Variants in ZDHHC14 observed in about 807,000 individuals in gnomAD.
ZDHHC14 encodes palmitoyltransferase ZDHHC14.
In ZDHHC14, 16 loss-of-function variants were observed where a neutral mutation model predicts 47.7. The ratio of observed to expected loss-of-function variants is 0.34; its 90% CI spans 0.23 to 0.51. The LOEUF is 0.51. ZDHHC14 is among the 20% of genes least tolerant of loss of function. The probability of loss-of-function intolerance (pLI) is 0.97; values close to 1 mark genes in which losing one functional copy is unlikely to be tolerated. For synonymous variants in ZDHHC14, 293 were observed against 278.9 expected (o/e 1.05, Z -0.50); for missense variants, 515 against 662.5 (o/e 0.78, Z 2.44).
chr6:157,603,831 G>A (rs111718848), intron 3 of ZDHHC14, among the ~76,000 whole-genome samples: 272 of 152,310 alleles, frequency 1.8e-3, no homozygotes, highest in Non-Finnish European at 3.1e-3. Context: ...GAGACATGCA[G>A]TATCCCTTAC....
intron 2 of ZDHHC14, among the ~76,000 whole-genome samples, chr6:157,578,851 CAATT>C (rs1783405266): frequency 6.6e-6 from 1 of 152,168 alleles, no homozygotes; most frequent in Admixed American, 6.5e-5. Flanking sequence ...AACTGTGAGT[CAATT>C]AAACCTCTTT....
At chr6:157,636,473 C>T (rs1400556583) in intron 5 of ZDHHC14, among the ~76,000 whole-genome samples, 10 of 152,090 alleles carry the variant, frequency 6.6e-5, no homozygotes, top group Admixed American at 6.5e-4. Context: ...CTTGCTGGCC[C>T]ACGCTGCTCA....
At chr6:157,506,695 TGA>T (rs1213122888) in intron 1 of ZDHHC14, among the ~76,000 whole-genome samples, 5 of 152,240 alleles carry the variant, frequency 3.3e-5, no homozygotes. Flanking sequence ...TTAACTTTAG[TGA>T]GCCTTCATAT....
intron 1 of ZDHHC14, among the ~76,000 whole-genome samples, chr6:157,391,075 C>G (rs1777410724): frequency 6.6e-6 from 1 of 152,166 alleles, no homozygotes; most frequent in Admixed American, 6.6e-5. Context: ...CAGTTAGATT[C>G]ATTTTTATCA....
chr6:157,532,436 C>T lies in ZDHHC14; in HGVS notation c.246-10149C>T, dbSNP rs139336346. 1.7e-3 allele frequency among the ~76,000 whole-genome samples: 257 copies of T among 152,252 alleles called. 2 individuals carry two copies. The highest frequency in any genetic ancestry group is 5.9e-3 in the African/African-American group (247 of 41,544). On this transcript the variant is annotated intron_variant, in intron 1 of 8. Transcript: ENST00000359775. The stretch of plus-strand genomic sequence containing the variant: ...CATTTGATTCTTTCTCATTCCTGAA[C>T]GCCTCCTTTCCCATCTTGCCATCCC...
chr6:157,527,912 C>T (rs1038754747), intron 1 of ZDHHC14, among the ~76,000 whole-genome samples: 6 of 152,208 alleles, frequency 3.9e-5, no homozygotes, highest in Non-Finnish European at 8.8e-5. Flanking sequence ...CCTTCTCTCT[C>T]TCCATTGTAT....
chr6:157,426,104 G>A (rs1045629758), intron 1 of ZDHHC14, among the ~76,000 whole-genome samples: 2 of 152,162 alleles, frequency 1.3e-5, no homozygotes, highest in Non-Finnish European at 2.9e-5. Flanking sequence ...CCAGACCAGG[G>A]GTGGAAGGTC....
chr6:157,605,545 G>A (rs1784504998), intron 3 of ZDHHC14, among the ~76,000 whole-genome samples: 1 of 152,228 alleles, frequency 6.6e-6, no homozygotes, highest in Non-Finnish European at 1.5e-5. Context: ...CAGGTTCAGA[G>A]AGGGCAGAGA....
chr6:157,503,480 C>A (rs776547493), intron 1 of ZDHHC14, among the ~76,000 whole-genome samples: 136 of 152,322 alleles, frequency 8.9e-4, no homozygotes, highest in Admixed American at 4.2e-3. Context: ...GAGCTCCAAT[C>A]TCCAAGCCAC....
chr6:157,613,030 T>C (rs1303486862), intron 3 of ZDHHC14, among the ~76,000 whole-genome samples: 1 of 152,170 alleles, frequency 6.6e-6, no homozygotes, highest in East Asian at 1.9e-4. Flanking sequence ...TTAAAAAAAA[T>C]TAAGTCTGAT....
chr6:157,472,753 C>T (rs532010644), intron 1 of ZDHHC14, among the ~76,000 whole-genome samples: 2 of 152,284 alleles, frequency 1.3e-5, no homozygotes, highest in South Asian at 4.1e-4. Flanking sequence ...GGGAGAGGCA[C>T]TTCTGTGGTC....
intron 1 of ZDHHC14, among the ~76,000 whole-genome samples, chr6:157,389,903 A>G (rs1016506123): frequency 3.3e-5 from 5 of 152,180 alleles, no homozygotes; most frequent in African/African-American, 1.2e-4. Flanking sequence ...ATTTTAAAAC[A>G]CATATACACA....
intron 6 of ZDHHC14, 25 bp from the exon 7 acceptor site, chr6:157,647,234 G>A: frequency 6.4e-7 from 1 of 1,568,276 alleles, no homozygotes; most frequent in Non-Finnish European, 8.8e-7. Flanking sequence ...GATATTGCTT[G>A]TTACTGACTT....
chr6:157,630,710 CCCTTACACACCCACACACCG>C (rs1342205087), intron 4 of ZDHHC14: 1 of 151,042 alleles, frequency 6.6e-6, no homozygotes, highest in Non-Finnish European at 1.5e-5. Flanking sequence ...CACACACATA[CCCTTACACACCCACACACCG>C]CCTTACACAC....
chr6:157,478,441 AT>A (rs1426087088), intron 1 of ZDHHC14, among the ~76,000 whole-genome samples: 3 of 152,148 alleles, frequency 2.0e-5, no homozygotes, highest in Non-Finnish European at 4.4e-5. Flanking sequence ...TTTATAATTT[AT>A]TTTTTTAAAT....
chr6:157,405,457 C>T (rs1010939099), intron 1 of ZDHHC14, among the ~76,000 whole-genome samples: 2 of 152,178 alleles, frequency 1.3e-5, no homozygotes, highest in Non-Finnish European at 2.9e-5. Context: ...TGGTCTCGAT[C>T]TCCTGACCTC....
intron 1 of ZDHHC14, among the ~76,000 whole-genome samples, chr6:157,397,459 A>G (rs144571891): frequency 6.0e-4 from 91 of 152,168 alleles, no homozygotes; most frequent in African/African-American, 2.1e-3. Context: ...TTCTGGAGCT[A>G]TCTTGCAGTC....
In ZDHHC14 at chr6:157,586,097, C is replaced by G. The variant is rs1783689255; in HGVS notation, c.407-6891C>G. Among the ~76,000 whole-genome samples the G allele has an allele frequency of 6.6e-6, 1 of 152,174 alleles. No individual in the cohort carries two copies. Among genetic ancestry groups the G allele is most frequent in the African/African-American group, 2.4e-5 (1 of 41,442 alleles). On this transcript the variant is annotated intron_variant, in intron 2 of 8. Transcript: ENST00000359775. This position sits in a 1 kb window ranked among gnomAD's most constrained non-coding sequence, Gnocchi z 4.6. ...CAGGAAGATCTGGAAACAAATCCTC[C>G]TGACATCATCGGTACTGGGTCTTCC...
intron 1 of ZDHHC14, among the ~76,000 whole-genome samples, chr6:157,428,613 G>A (rs929038699): frequency 2.0e-5 from 3 of 151,844 alleles, no homozygotes; most frequent in Non-Finnish European, 4.4e-5. Flanking sequence ...CCTGCTTAGC[G>A]AGTCCCCCCG....
Sources: allele counts gnomAD v4.1 joint callset (sites outside exome capture counted in the v4.1 genomes callset), GRCh38; gene constraint gnomAD v4.1.1; non-coding constraint Gnocchi (gnomAD v3.1); transcripts MANE v1.5; gene names NCBI Gene and HGNC (gene_info 2026-07-23, HGNC 2026-07-21).